The following MAST4 variants were observed in gnomAD, a reference collection of about 807,000 sequenced individuals.
MAST4 encodes the protein microtubule associated serine/threonine kinase family member 4.
In MAST4, 89 loss-of-function variants were observed where a neutral mutation model predicts 162.7. That is an observed-to-expected ratio of 0.55 (90% CI 0.46 to 0.65). MAST4 has a LOEUF of 0.65. MAST4 is among the 30% of genes least tolerant of loss of function. The pLI, the probability that MAST4 is intolerant of heterozygous loss-of-function variation, is 0.00. For missense variants in MAST4, 3,153 were observed against 3,374.0 expected, an observed-to-expected ratio of 0.93 and a Z score of 1.62; for synonymous variants, 1,479 against 1,361.1, an observed-to-expected ratio of 1.09 and a Z score of -1.91.
chr5:67,165,990 C>G lies in MAST4; in HGVS notation c.6811C>G (p.Pro2271Ala), dbSNP rs748340570. 1 of 1,613,438 alleles carries G rather than the reference C, an allele frequency of 6.2e-7. No individual in the cohort carries two copies. Among genetic ancestry groups the G allele is most frequent in the African/African-American group, 1.3e-5 (1 of 74,928 alleles). The change falls in exon 29 of 29, where the codon CCC becomes GCC. Residue 2271 changes from proline (P) to alanine (A), a missense_variant. Physicochemically the swap from Pro to Ala is conservative, Grantham distance 27. Around this residue, in one of 7 missense-constraint regions of MAST4, gnomAD observed 1,644 missense variants for 1,495.0 expected, o/e 1.10. Coordinates refer to ENST00000403625, the MANE Select transcript of MAST4 (RefSeq NM_001164664.2). ...TGGGATTGGCCAGGGAGAAGGTGGG[C>G]CCTCTGTCCCACTGCACACTGACAG... Reference protein sequence around the residue: ...SDGIGQGEGGPSVPLHTDRAP... With the variant: ...SDGIGQGEGGASVPLHTDRAP...
At chr5:66,995,433 T>A (rs1416569576) in intron 4 of MAST4, among the ~76,000 whole-genome samples, 1 of 152,144 alleles carries the variant, frequency 6.6e-6, no homozygotes, top group Non-Finnish European at 1.5e-5. Flanking sequence ...AGACAGAGTC[T>A]CACTCTGTCT....
chr5:66,701,193 A>G (rs1012700259), intron 1 of MAST4, among the ~76,000 whole-genome samples: 2 of 152,240 alleles, frequency 1.3e-5, no homozygotes, highest in Admixed American at 1.3e-4. Context: ...GCAAGTGACC[A>G]AAACTTGGCT....
chr5:67,108,037 CTTAAG>C (rs1765792158), intron 10 of MAST4, among the ~76,000 whole-genome samples: 1 of 152,140 alleles, frequency 6.6e-6, no homozygotes, highest in East Asian at 1.9e-4. Context: ...CTTCTCCCCA[CTTAAG>C]TTATTAGATA....
At chr5:66,684,488 G>A (rs943812072) in intron 1 of MAST4, among the ~76,000 whole-genome samples, 1 of 152,116 alleles carries the variant, frequency 6.6e-6, no homozygotes, top group African/African-American at 2.4e-5. Flanking sequence ...TTTGGAAATC[G>A]GGTGCCTAAA....
intron 4 of MAST4, among the ~76,000 whole-genome samples, chr5:66,946,132 A>G (rs1209533768): frequency 6.6e-6 from 1 of 152,160 alleles, no homozygotes; most frequent in Non-Finnish European, 1.5e-5. Flanking sequence ...ACCACTCTCA[A>G]ACTGAAATTA....
In MAST4 at chr5:67,166,920, G is replaced by C; in HGVS notation, c.7741G>C (p.Asp2581His). 6.2e-7 allele frequency: 1 copy of C among 1,611,756 alleles called. No individual in the cohort carries two copies. The highest frequency in any genetic ancestry group is 8.5e-7 in the Non-Finnish European group (1 of 1,179,332). Residue 2581 changes from aspartate to histidine, a missense_variant, in exon 29 of 29, where the codon GAC becomes CAC. By Grantham distance (81) the Asp-to-His change is moderately conservative. Transcript: ENST00000403625. ...AGCTAGGAAACAGAACGTGGGCAGA[G>C]ACGTGACCAAGCCATCCCCAGCCCC... ...PPARKQNVGR[D>H]VTKPSPAPNT...
intron 26 of MAST4, among the ~76,000 whole-genome samples, chr5:67,157,354 G>T (rs1316862151): frequency 1.3e-5 from 2 of 152,216 alleles, no homozygotes; most frequent in Non-Finnish European, 2.9e-5. Context: ...CACTTGTGGA[G>T]ACAAGAAACA....
chr5:66,985,644 T>G (rs948522665), intron 4 of MAST4, among the ~76,000 whole-genome samples: 1 of 152,156 alleles, frequency 6.6e-6, no homozygotes, highest in Non-Finnish European at 1.5e-5. Context: ...AAAGAGACTT[T>G]GAAGTAGGTA....
intron 3 of MAST4, among the ~76,000 whole-genome samples, chr5:66,819,375 A>C (rs185600154): frequency 2.9e-4 from 44 of 152,338 alleles, no homozygotes; most frequent in African/African-American, 1.0e-3. Flanking sequence ...TAATGCAAAC[A>C]AGATCAGAGT....
intron 4 of MAST4, among the ~76,000 whole-genome samples, chr5:66,918,869 A>G (rs932902777): frequency 1.3e-5 from 2 of 152,230 alleles, no homozygotes; most frequent in Non-Finnish European, 2.9e-5. Flanking sequence ...ATATACTTAG[A>G]TAAAATTGTT....
At chr5:66,788,371 T>C (rs1755214833) in intron 2 of MAST4, among the ~76,000 whole-genome samples, 1 of 152,194 alleles carries the variant, frequency 6.6e-6, no homozygotes, top group Admixed American at 6.5e-5. Flanking sequence ...TGTACTTATA[T>C]ATATTCTCAA....
At chr5:66,919,721 T>TA (rs1207125228) in intron 4 of MAST4, among the ~76,000 whole-genome samples, 1 of 150,992 alleles carries the variant, frequency 6.6e-6, no homozygotes, top group African/African-American at 2.4e-5. Context: ...AGTACTCATA[T>TA]AAAAAACTAA....
intron 16 of MAST4, among the ~76,000 whole-genome samples, chr5:67,132,265 T>C (rs1769077264): frequency 6.6e-6 from 1 of 152,146 alleles, no homozygotes; most frequent in Admixed American, 6.6e-5. Context: ...TGGTGGTGTA[T>C]GCTGCACCCA....
chr5:66,702,275 C>T (rs1267997976), intron 1 of MAST4, among the ~76,000 whole-genome samples: 1 of 152,114 alleles, frequency 6.6e-6, no homozygotes, highest in Non-Finnish European at 1.5e-5. Context: ...TGTTTTTATT[C>T]ACTTATTACC....
At chr5:67,158,081 T>C (rs552637554) in intron 26 of MAST4, among the ~76,000 whole-genome samples, 41 of 152,278 alleles carry the variant, frequency 2.7e-4, no homozygotes, top group African/African-American at 9.9e-4. Flanking sequence ...GAACTCGCCA[T>C]GCTTGTTGCC....
chr5:67,038,204 A>G (rs934691956), intron 4 of MAST4, among the ~76,000 whole-genome samples: 4 of 149,676 alleles, frequency 2.7e-5, no homozygotes, highest in Non-Finnish European at 5.9e-5. Flanking sequence ...AGATGATTTT[A>G]TATGCTGCTT....
intron 5 of MAST4, among the ~76,000 whole-genome samples, chr5:67,081,866 CA>C (rs934392243): frequency 6.6e-6 from 1 of 152,092 alleles, no homozygotes; most frequent in African/African-American, 2.4e-5. Flanking sequence ...CTTGTAATGA[CA>C]TTTTAAATGT....
Position 66,759,726 on chromosome 5 carries a change from C to T in MAST4, c.381C>T (p.Ser127=), listed in dbSNP as rs773508088. The T allele has an allele frequency of 2.5e-6, 4 of 1,613,722 alleles. No homozygotes were observed. In the East Asian group the frequency reaches 6.7e-5, roughly 27 times the overall value. Residue 127 remains serine (S), a synonymous_variant, in exon 2 of 29, where the codon TCC becomes TCT. Transcript: ENST00000403625. ...EQDEELDHIL[S]PPPMPFRKCS... ...TTCTGCAGCTTGACCACATATTATC[C>T]CCTCCACCCATGCCGTTTCGGAAAT...
chr5:67,025,182 A>G (rs1188238020), intron 4 of MAST4, among the ~76,000 whole-genome samples: 1 of 152,184 alleles, frequency 6.6e-6, no homozygotes, highest in African/African-American at 2.4e-5. Context: ...GTAATATTAT[A>G]AAGGAAACCA....
Sources: allele counts gnomAD v4.1 joint callset (sites outside exome capture counted in the v4.1 genomes callset), GRCh38; gene constraint gnomAD v4.1.1; regional missense constraint gnomAD v4.1.1; transcripts MANE v1.5; gene names NCBI Gene and HGNC (gene_info 2026-07-23, HGNC 2026-07-21).